Variants in GNA13 observed in about 807,000 individuals in gnomAD.
The protein encoded by GNA13 is G protein subunit alpha 13.
In GNA13, 4 loss-of-function variants were observed where a neutral mutation model predicts 33.5. The observed-to-expected ratio is 0.12, with a 90% CI of 0.06 to 0.27. The LOEUF (loss-of-function observed/expected upper bound fraction) is 0.27, where lower values mean the gene tolerates loss of function less well. Among genes scored for constraint, GNA13 ranks in the 10% least tolerant of loss-of-function variants. The pLI is 1.00. For synonymous variants in GNA13, 176 were observed against 183.8 expected (o/e 0.96, Z 0.34); for missense variants, 319 against 487.2 (o/e 0.65, Z 3.25).
At chr17:65,018,134 A>AGAG (rs369282187) in intron 3 of GNA13, 119 bp downstream of exon 3, 3 of 101,640 alleles carry the variant, frequency 3.0e-5, no homozygotes, top group Admixed American at 1.6e-4. Context: ...AAAAAAAAAA[A>AGAG]AAAAAGAGAG....
Position 65,014,004 on chromosome 17 carries a change from T to G in GNA13, c.*253A>C. ...GCCTAGTCTGAGGTCAGCTGGGAGG[T>G]TTTAACTGGACTTGAATAGAAGCCA... On this transcript the variant is annotated 3_prime_UTR_variant, in exon 4 of 4. Coordinates refer to ENST00000439174, the MANE Select transcript of GNA13 (RefSeq NM_006572.6). The surrounding 1 kb of genome is among the most constrained non-coding windows in gnomAD (Gnocchi z 5.3). The G allele has an allele frequency of 2.3e-6, 1 of 431,536 alleles. No individual in the cohort carries two copies. The highest frequency in any genetic ancestry group is 4.1e-6 in the Non-Finnish European group (1 of 241,224). 26.7% of individuals were successfully genotyped at this position (431,536 alleles called of 1,614,324 possible).
At chr17:65,041,742 T>C (rs995736988) in intron 2 of GNA13, among the ~76,000 whole-genome samples, 3 of 152,114 alleles carry the variant, frequency 2.0e-5, no homozygotes, top group African/African-American at 7.2e-5. Context: ...TGGTGAGCAC[T>C]CTGCACCTGA....
At chr17:65,048,146 G>C (rs756159894) in intron 2 of GNA13, among the ~76,000 whole-genome samples, 1 of 152,206 alleles carries the variant, frequency 6.6e-6, no homozygotes, top group Non-Finnish European at 1.5e-5. Flanking sequence ...GTAGGAAGCT[G>C]TGGGATGTTC....
At chr17:65,015,890 A>T (rs1185240785) in intron 3 of GNA13, among the ~76,000 whole-genome samples, 1 of 152,176 alleles carries the variant, frequency 6.6e-6, no homozygotes, top group East Asian at 1.9e-4. Flanking sequence ...TTATTGACCC[A>T]AGAACTCAAA....
chr17:65,055,072 C>T (rs1213149828), intron 1 of GNA13, among the ~76,000 whole-genome samples: 1 of 32,324 alleles, frequency 3.1e-5, no homozygotes, highest in African/African-American at 1.2e-4. Flanking sequence ...GGGGAGGGGG[C>T]GGGGGGGTGA....
intron 2 of GNA13, among the ~76,000 whole-genome samples, chr17:65,020,004 G>T (rs1218225162): frequency 6.6e-6 from 1 of 152,038 alleles, no homozygotes; most frequent in Non-Finnish European, 1.5e-5. Context: ...AATAAAAACG[G>T]AAGACATGGA....
Position 65,056,673 on chromosome 17 carries a change from CGAGGCTCGAGGGCGGG to C in GNA13, c.-96_-81del. 4 of 1,104,240 alleles carry C rather than the reference CGAGGCTCGAGGGCGGG, an allele frequency of 3.6e-6. No individual in the cohort carries two copies. Among genetic ancestry groups the C allele is most frequent in the Non-Finnish European group, 4.8e-6 (4 of 836,936 alleles). 68.4% of individuals were successfully genotyped at this position (1,104,240 alleles called of 1,614,324 possible). ...CTCCGGCGGCGGGCGGCTCCGGCACCGAGGCTCGAGGGCGGGGAGCGCGGCGGCGGCCCGAGCGCGC... is the reference window on the plus strand; with the variant it reads ...CTCCGGCGGCGGGCGGCTCCGGCACCGAGCGCGGCGGCGGCCCGAGCGCGC... On this transcript the variant is annotated 5_prime_UTR_variant, in exon 1 of 4. Transcript: ENST00000439174.
chr17:65,040,974 T>C (rs1472623385), intron 2 of GNA13, among the ~76,000 whole-genome samples: 4 of 152,362 alleles, frequency 2.6e-5, no homozygotes, highest in Non-Finnish European at 1.5e-5. Flanking sequence ...CTTCCATAAA[T>C]GTTTCTTTTA....
chr17:65,052,900 G>A (rs1356101282), intron 2 of GNA13, among the ~76,000 whole-genome samples: 1 of 152,092 alleles, frequency 6.6e-6, no homozygotes, highest in Non-Finnish European at 1.5e-5. Context: ...GGTGGCACGC[G>A]CCTATAGACC....
chr17:65,045,453 G>A (rs1380387594), intron 2 of GNA13, among the ~76,000 whole-genome samples: 1 of 131,986 alleles, frequency 7.6e-6, no homozygotes, highest in Non-Finnish European at 1.6e-5. Context: ...AGTGGAAGAT[G>A]CAATGAGCTG....
chr17:65,022,162 T>C (rs537832712), intron 2 of GNA13, among the ~76,000 whole-genome samples: 20 of 152,316 alleles, frequency 1.3e-4, no homozygotes, highest in Middle Eastern at 3.4e-3. Context: ...AAAAATGATA[T>C]GAAATTCGAA....
At chr17:65,018,328 G>A in intron 2 of GNA13, 25 bp from the exon 3 acceptor site, 1 of 1,117,490 alleles carries the variant, frequency 8.9e-7, no homozygotes, top group Non-Finnish European at 1.4e-6. Flanking sequence ...AAAACAAATA[G>A]TTATTAGGGC....
At chr17:65,016,525 T>C (rs1906375925) in intron 3 of GNA13, among the ~76,000 whole-genome samples, 1 of 152,134 alleles carries the variant, frequency 6.6e-6, no homozygotes, top group Admixed American at 6.5e-5. Flanking sequence ...CACGGCCGGC[T>C]ACTTCTTTGT....
chr17:65,047,370 C>G (rs759325503), intron 2 of GNA13, among the ~76,000 whole-genome samples: 1 of 152,110 alleles, frequency 6.6e-6, no homozygotes, highest in Non-Finnish European at 1.5e-5. Context: ...GCCTGTGTAA[C>G]AGAGTGAGAC....
chr17:65,042,920 A>G (rs1332654894), intron 2 of GNA13, among the ~76,000 whole-genome samples: 2 of 152,198 alleles, frequency 1.3e-5, no homozygotes, highest in African/African-American at 2.4e-5. Context: ...TTATTTTTCT[A>G]TGCAGCTACT....
chr17:65,016,134 C>G (rs528427184), intron 3 of GNA13, among the ~76,000 whole-genome samples: 2 of 152,296 alleles, frequency 1.3e-5, no homozygotes, highest in Admixed American at 1.3e-4. Flanking sequence ...CCTTGTCAGT[C>G]TAGCATTTTT....
At chr17:65,039,781 G>A (rs1448998234) in intron 2 of GNA13, among the ~76,000 whole-genome samples, 1 of 152,164 alleles carries the variant, frequency 6.6e-6, no homozygotes, top group Non-Finnish European at 1.5e-5. Context: ...TCAACGCAGA[G>A]ATTACTTTCA....
intron 2 of GNA13, among the ~76,000 whole-genome samples, chr17:65,023,147 CTG>C (rs1295095457): frequency 6.6e-6 from 1 of 152,176 alleles, no homozygotes; most frequent in Non-Finnish European, 1.5e-5. Context: ...ATATGCTAGG[CTG>C]TGTTACAACT....
intron 2 of GNA13, among the ~76,000 whole-genome samples, chr17:65,039,072 C>A (rs1907365008): frequency 6.6e-6 from 1 of 152,164 alleles, no homozygotes. Flanking sequence ...ATCATTCTCC[C>A]ATGATCCTGT....
Sources: allele counts gnomAD v4.1 joint callset (sites outside exome capture counted in the v4.1 genomes callset), GRCh38; gene constraint gnomAD v4.1.1; non-coding constraint Gnocchi (gnomAD v3.1); transcripts MANE v1.5; gene names NCBI Gene and HGNC (gene_info 2026-07-23, HGNC 2026-07-21).